CACNA2D3: variants seen among roughly 807,000 people sequenced by gnomAD.
CACNA2D3 encodes calcium voltage-gated channel auxiliary subunit alpha2delta 3.
A neutral mutation model predicts 160.6 loss-of-function variants in CACNA2D3; 60 were observed. The observed-to-expected ratio is 0.37, with a 90% CI of 0.30 to 0.46. CACNA2D3 has a LOEUF of 0.46. Among genes scored for constraint, CACNA2D3 ranks in the 20% least tolerant of loss-of-function variants. The pLI is 1.00. For missense variants in CACNA2D3, 1,205 were observed against 1,365.0 expected (o/e 0.88, Z 1.85); for synonymous variants, 558 against 492.9 (o/e 1.13, Z -1.75).
At chr3:54,409,396 A>G (rs1360164217) in intron 4 of CACNA2D3, among the ~76,000 whole-genome samples, 1 of 152,218 alleles carries the variant, frequency 6.6e-6, no homozygotes, top group Non-Finnish European at 1.5e-5. Flanking sequence ...CCAACCAGCC[A>G]TTCCCTCATC....
chr3:54,491,845 G>A (rs1701116040), intron 4 of CACNA2D3, among the ~76,000 whole-genome samples: 2 of 152,166 alleles, frequency 1.3e-5, no homozygotes, highest in South Asian at 2.1e-4. Flanking sequence ...CTCTAAACTG[G>A]GGAGTAATGA....
intron 27 of CACNA2D3, among the ~76,000 whole-genome samples, chr3:54,964,628 C>T (rs530992928): frequency 3.3e-5 from 5 of 152,040 alleles, no homozygotes; most frequent in Non-Finnish European, 5.9e-5. Flanking sequence ...CTGAAGTAGT[C>T]GTGTTTTCTC....
intron 31 of CACNA2D3, among the ~76,000 whole-genome samples, chr3:55,001,391 T>TA (rs2107132898): frequency 6.6e-6 from 1 of 152,344 alleles, no homozygotes; most frequent in South Asian, 2.1e-4. Context: ...TACCAATACT[T>TA]ATAACAGCAG....
intron 2 of CACNA2D3, among the ~76,000 whole-genome samples, chr3:54,293,018 T>C (rs559658012): frequency 6.6e-6 from 1 of 152,296 alleles, no homozygotes; most frequent in South Asian, 2.1e-4. Context: ...TTTTCATACA[T>C]GCTACAACAT....
intron 4 of CACNA2D3, among the ~76,000 whole-genome samples, chr3:54,473,902 A>G (rs1433643995): frequency 6.6e-6 from 1 of 152,186 alleles, no homozygotes; most frequent in Non-Finnish European, 1.5e-5. Context: ...GAAACAACAG[A>G]TGCTGGAGAG....
chr3:54,807,676 A>G (rs1309494450), intron 13 of CACNA2D3, among the ~76,000 whole-genome samples: 1 of 151,670 alleles, frequency 6.6e-6, no homozygotes, highest in Non-Finnish European at 1.5e-5. Flanking sequence ...AACTAGAAAT[A>G]CCATTTGACC....
chr3:54,228,617 C>A (rs544584228), intron 2 of CACNA2D3, among the ~76,000 whole-genome samples: 1 of 152,294 alleles, frequency 6.6e-6, no homozygotes, highest in African/African-American at 2.4e-5. Flanking sequence ...GAAGTCAGAA[C>A]CCTGAGAACA....
chr3:54,216,526 G>A (rs766535326), intron 2 of CACNA2D3, among the ~76,000 whole-genome samples: 4 of 152,212 alleles, frequency 2.6e-5, no homozygotes, highest in Non-Finnish European at 4.4e-5. Flanking sequence ...GCACCAAAGT[G>A]CGAGGCCTAT....
At chr3:55,017,596 T>C in intron 34 of CACNA2D3, among the ~76,000 whole-genome samples, 1 of 152,184 alleles carries the variant, frequency 6.6e-6, no homozygotes, top group East Asian at 1.9e-4. Context: ...CTAGTGAGGT[T>C]TTGGATCTTG....
chr3:54,654,523 C>T (rs891347024), intron 11 of CACNA2D3, among the ~76,000 whole-genome samples: 13 of 152,078 alleles, frequency 8.5e-5, no homozygotes, highest in Admixed American at 7.9e-4. Flanking sequence ...CAACTGCAGG[C>T]AACAGCCACC....
chr3:54,812,916 C>G (rs1360432413), intron 13 of CACNA2D3, among the ~76,000 whole-genome samples: 1 of 152,208 alleles, frequency 6.6e-6, no homozygotes, highest in Non-Finnish European at 1.5e-5. Flanking sequence ...AGAGCTAAAA[C>G]TGATCAAGCA....
rs143991700 is a variant in CACNA2D3 at position 54,782,882 on chromosome 3, A to T, written c.1380+18531A>T. ...GGTGGAGTAGGGCAGGTGTCATCTG[A>T]GTAGCACAGCAAGAATAACTGGGGT... is the stretch of plus-strand genomic sequence containing the variant. On this transcript the variant is annotated intron_variant, in intron 13 of 37. Transcript: ENST00000474759. Among the ~76,000 whole-genome samples the T allele has an allele frequency of 5.3e-4, 80 of 152,262 alleles. 1 individual carries two copies. The East Asian group carries it at 0.015, about 28-fold the overall frequency.
At chr3:54,778,021 G>T (rs188669984) in intron 13 of CACNA2D3, among the ~76,000 whole-genome samples, 10 of 152,322 alleles carry the variant, frequency 6.6e-5, no homozygotes, top group African/African-American at 2.2e-4. Flanking sequence ...CTCCAGGGGA[G>T]CCTAAATTCA....
At chr3:54,682,297 T>C (rs1700366572) in intron 11 of CACNA2D3, among the ~76,000 whole-genome samples, 1 of 152,160 alleles carries the variant, frequency 6.6e-6, no homozygotes, top group African/African-American at 2.4e-5. Flanking sequence ...TTCTTTATGT[T>C]GTATATCATT....
At chr3:54,930,533 A>G (rs982388498) in intron 27 of CACNA2D3, among the ~76,000 whole-genome samples, 4 of 152,206 alleles carry the variant, frequency 2.6e-5, no homozygotes, top group Admixed American at 6.5e-5. Flanking sequence ...GAAAATGATC[A>G]ATCTATTGAC....
chr3:54,533,416 C>T (rs2106645213), intron 5 of CACNA2D3, among the ~76,000 whole-genome samples: 1 of 147,574 alleles, frequency 6.8e-6, no homozygotes, highest in Middle Eastern at 3.8e-3. Context: ...CTCACTGCAA[C>T]CTCCATCTCC....
chr3:54,173,298 T>C (rs1700610459), intron 2 of CACNA2D3, among the ~76,000 whole-genome samples: 1 of 152,232 alleles, frequency 6.6e-6, no homozygotes, highest in African/African-American at 2.4e-5. Context: ...GGGGAAAAAT[T>C]ATATCATTCT....
chr3:54,995,520 A>G (rs1284198026), intron 31 of CACNA2D3, among the ~76,000 whole-genome samples: 7 of 152,178 alleles, frequency 4.6e-5, no homozygotes, highest in East Asian at 1.9e-4. Context: ...TCATGATTCA[A>G]TGTAGCTGCT....
At chr3:54,688,975 G>A in intron 11 of CACNA2D3, among the ~76,000 whole-genome samples, 1 of 57,590 alleles carries the variant, frequency 1.7e-5, no homozygotes, top group Non-Finnish European at 2.8e-5. Flanking sequence ...GTGTGAGACT[G>A]TCTCAAAAAA....
Sources: allele counts gnomAD v4.1 joint callset (sites outside exome capture counted in the v4.1 genomes callset), GRCh38; gene constraint gnomAD v4.1.1; transcripts MANE v1.5; gene names NCBI Gene and HGNC (gene_info 2026-07-23, HGNC 2026-07-21).